The following ADARB2 variants were observed in gnomAD, a reference collection of about 807,000 sequenced individuals.
ADARB2 encodes the protein adenosine deaminase RNA specific B2 (inactive).
Under a neutral mutation model 62.2 loss-of-function variants are expected in ADARB2, and 25 were observed. That is an observed-to-expected ratio of 0.40 (90% CI 0.29 to 0.56). The LOEUF is 0.56. Ranked by LOEUF, ADARB2 falls within the 20% of genes least tolerant of loss-of-function variation. The pLI is 0.43. For synonymous variants in ADARB2, 572 were observed against 500.8 expected, an observed-to-expected ratio of 1.14 and a Z score of -1.90; for missense variants, 1,071 against 1,077.4, an observed-to-expected ratio of 0.99 and a Z score of 0.08.
intron 1 of ADARB2, among the ~76,000 whole-genome samples, chr10:1,569,845 G>A (rs1456814486): frequency 2.6e-5 from 4 of 151,966 alleles, no homozygotes; most frequent in Non-Finnish European, 5.9e-5. Context: ...TAAAAGAATG[G>A]CAGCATTTGG....
Position 1,367,642 on chromosome 10 carries a change from GC to G in ADARB2, c.188-3726del, listed in dbSNP as rs1438264800. Among the ~76,000 whole-genome samples, 12 of 152,288 alleles carry G rather than the reference GC, an allele frequency of 7.9e-5. No individual in the cohort carries two copies. In the East Asian group the frequency reaches 1.7e-3, roughly 22 times the overall value. ...TTTCCAAATTGAACTTAAAGATGGA[GC>G]AAAAAACCCAACAAGATCAACCCCC... On this transcript the variant is annotated intron_variant, in intron 2 of 9. Coordinates refer to ENST00000381312, the MANE Select transcript of ADARB2 (RefSeq NM_018702.4).
At chr10:1,472,981 C>G (rs902651379) in intron 1 of ADARB2, among the ~76,000 whole-genome samples, 1 of 152,270 alleles carries the variant, frequency 6.6e-6, no homozygotes, top group South Asian at 2.1e-4. Flanking sequence ...TGGTGATCAG[C>G]AGCTTCCCGA....
chr10:1,654,297 G>A (rs1222451051), intron 1 of ADARB2, among the ~76,000 whole-genome samples: 1 of 152,160 alleles, frequency 6.6e-6, no homozygotes, highest in Non-Finnish European at 1.5e-5. Context: ...ATGGGGACAG[G>A]AAGTGCACGC....
At chr10:1,259,505 A>C (rs1831113434) in intron 4 of ADARB2, among the ~76,000 whole-genome samples, 1 of 152,250 alleles carries the variant, frequency 6.6e-6, no homozygotes, top group South Asian at 2.1e-4. Context: ...CTACCATTAG[A>C]GAATACTATA....
At chr10:1,721,049 A>G (rs181335864) in intron 1 of ADARB2, among the ~76,000 whole-genome samples, 66 of 152,330 alleles carry the variant, frequency 4.3e-4, no homozygotes, top group Admixed American at 1.5e-3. Flanking sequence ...TACAGTTAAC[A>G]TAACTGAAAA....
chr10:1,580,122 C>A (rs59129485), intron 1 of ADARB2, among the ~76,000 whole-genome samples: 2 of 152,174 alleles, frequency 1.3e-5, no homozygotes, highest in Admixed American at 6.5e-5. Context: ...TTTAAAAAAC[C>A]TTTATCATGG....
At chr10:1,329,731 G>C (rs1831910460) in intron 3 of ADARB2, among the ~76,000 whole-genome samples, 1 of 152,064 alleles carries the variant, frequency 6.6e-6, no homozygotes, top group Admixed American at 6.6e-5. Flanking sequence ...GCCAGGCACT[G>C]GTCCCTGATT....
chr10:1,181,538 T>C lies in ADARB2; in HGVS notation c.*1655A>G, dbSNP rs1224113142. The C allele has an allele frequency of 6.6e-6, 1 of 152,254 alleles. No individual in the cohort carries two copies. The highest frequency in any genetic ancestry group is 2.4e-5 in the African/African-American group (1 of 41,462). The allele number at this position is 152,254 out of a possible 1,614,324, so 9.4% of individuals were successfully genotyped here. On this transcript the variant is annotated 3_prime_UTR_variant, in exon 10 of 10. Transcript: ENST00000381312. ...GATTTTAAATCCCAGGAAAAGTTTC[T>C]TTTTCCATACTAATATCTCTACTTC...
chr10:1,686,806 C>G (rs1834601862), intron 1 of ADARB2, among the ~76,000 whole-genome samples: 1 of 152,158 alleles, frequency 6.6e-6, no homozygotes, highest in African/African-American at 2.4e-5. Flanking sequence ...TTAACATTAA[C>G]AAATGTTTAT....
intron 1 of ADARB2, among the ~76,000 whole-genome samples, chr10:1,572,176 C>T (rs113156696): frequency 5.8e-3 from 343 of 59,616 alleles, no homozygotes; most frequent in African/African-American, 8.3e-3. Context: ...AGTGTGCAGG[C>T]GAGTAGGCAG....
chr10:1,407,623 G>A (rs1356335990), intron 1 of ADARB2, among the ~76,000 whole-genome samples: 1 of 152,192 alleles, frequency 6.6e-6, no homozygotes, highest in Non-Finnish European at 1.5e-5. Flanking sequence ...CTTCCTCGGG[G>A]CATAGTCCTA....
intron 1 of ADARB2, among the ~76,000 whole-genome samples, chr10:1,439,804 G>A (rs1830882194): frequency 6.7e-6 from 1 of 149,796 alleles, no homozygotes; most frequent in African/African-American, 2.5e-5. Context: ...TCATGATGGG[G>A]CTCCTGAGTC....
At chr10:1,220,288 GTGGTGGTGATGGTGGTGA>G (rs548319325) in intron 6 of ADARB2, among the ~76,000 whole-genome samples, 33 of 135,812 alleles carry the variant, frequency 2.4e-4, no homozygotes, top group Admixed American at 7.6e-5. Flanking sequence ...AATGGTGATG[GTGGTGGTGATGGTGGTGA>G]TGGTGGTAAT....
At chr10:1,417,088 C>A (rs1049675164) in intron 1 of ADARB2, among the ~76,000 whole-genome samples, 5 of 151,898 alleles carry the variant, frequency 3.3e-5, no homozygotes, top group Admixed American at 3.3e-4. Context: ...AATAGATGGG[C>A]AGGAAGTATA....
intron 1 of ADARB2, among the ~76,000 whole-genome samples, chr10:1,657,969 C>G (rs1014468964): frequency 1.1e-5 from 1 of 87,062 alleles, no homozygotes; most frequent in Non-Finnish European, 2.9e-5. Flanking sequence ...GCCTCAGTCT[C>G]TCTCTATCTC....
intron 1 of ADARB2, among the ~76,000 whole-genome samples, chr10:1,694,812 G>A (rs548569274): frequency 1.3e-5 from 2 of 152,308 alleles, no homozygotes; most frequent in Non-Finnish European, 2.9e-5. Context: ...TATGGGGTTA[G>A]GATGAGCAGA....
chr10:1,446,076 G>A (rs1419254640), intron 1 of ADARB2, among the ~76,000 whole-genome samples: 1 of 152,192 alleles, frequency 6.6e-6, no homozygotes, highest in Non-Finnish European at 1.5e-5. Context: ...AGGGGGTGAA[G>A]GAAACATGAG....
intron 4 of ADARB2, among the ~76,000 whole-genome samples, chr10:1,251,154 A>G (rs755819536): frequency 2.0e-5 from 3 of 151,824 alleles, no homozygotes; most frequent in Non-Finnish European, 2.9e-5. Context: ...ATCTTTACCC[A>G]TAATTGCCAA....
At chr10:1,402,730 G>A (rs2805524) in intron 1 of ADARB2, among the ~76,000 whole-genome samples, 9,754 of 152,094 alleles carry the variant, frequency 0.064, 1,090 homozygotes, top group African/African-American at 0.22. Flanking sequence ...TTCCTGAGTG[G>A]ATGAGGCTGA....
Sources: allele counts gnomAD v4.1 joint callset (sites outside exome capture counted in the v4.1 genomes callset), GRCh38; gene constraint gnomAD v4.1.1; transcripts MANE v1.5; gene names NCBI Gene and HGNC (gene_info 2026-07-23, HGNC 2026-07-21).